Variants in SEMA6D observed in about 807,000 individuals in gnomAD.
SEMA6D encodes semaphorin 6D, also known as semaphorin-6D.
A neutral mutation model predicts 106.6 loss-of-function variants in SEMA6D; 35 were observed. The observed-to-expected ratio is 0.33, with a 90% CI of 0.25 to 0.44. The LOEUF (loss-of-function observed/expected upper bound fraction) is 0.44. Ranked by LOEUF, SEMA6D falls within the 20% of genes least tolerant of loss-of-function variation. The pLI, the probability that SEMA6D is intolerant of heterozygous loss-of-function variation, is 1.00. For missense variants in SEMA6D, 1,185 were observed against 1,345.9 expected, an observed-to-expected ratio of 0.88 and a Z score of 1.87; for synonymous variants, 499 against 487.7, an observed-to-expected ratio of 1.02 and a Z score of -0.31.
In SEMA6D at chr15:47,404,990, G is replaced by A. The variant is rs557626552; in HGVS notation, c.-238-7403G>A. Among the ~76,000 whole-genome samples, 9 of 152,188 alleles carry A rather than the reference G, an allele frequency of 5.9e-5. No individual in the cohort carries two copies. The South Asian group carries it at 1.5e-3, about 25-fold the overall frequency. ...ATGAGAAAGTCTTCACCTCACCGCC[G>A]GTCAAGTGGCAGCTGCTTCTTAAAG... On this transcript the variant is annotated intron_variant, in intron 1 of 19. Coordinates refer to the SEMA6D transcript ENST00000558014.
intron 3 of SEMA6D, among the ~76,000 whole-genome samples, chr15:47,501,415 A>G (rs1176076381): frequency 2.0e-5 from 3 of 152,208 alleles, no homozygotes; most frequent in African/African-American, 7.2e-5. Flanking sequence ...GCCATATAGC[A>G]AAAACCTGCA....
intron 3 of SEMA6D, among the ~76,000 whole-genome samples, chr15:47,522,290 T>C (rs2044611038): frequency 6.6e-6 from 1 of 152,226 alleles, no homozygotes; most frequent in African/African-American, 2.4e-5. Context: ...AACATAAATC[T>C]ATACAAGAAA....
At chr15:47,219,131 A>G (rs1358948585) in intron 1 of SEMA6D, among the ~76,000 whole-genome samples, 1 of 152,070 alleles carries the variant, frequency 6.6e-6, no homozygotes, top group African/African-American at 2.4e-5. Flanking sequence ...TGGTAGAGTA[A>G]TTTTTCAATG....
At chr15:47,531,400 A>T (rs1258024964) in intron 3 of SEMA6D, among the ~76,000 whole-genome samples, 1 of 152,258 alleles carries the variant, frequency 6.6e-6, no homozygotes, top group African/African-American at 2.4e-5. Context: ...GTCTTTCATT[A>T]CATGGCCAAA....
At chr15:47,337,774 T>G (rs1385895896) in intron 1 of SEMA6D, among the ~76,000 whole-genome samples, 1 of 152,176 alleles carries the variant, frequency 6.6e-6, no homozygotes, top group Non-Finnish European at 1.5e-5. Flanking sequence ...AGTGTCCCAC[T>G]AGATTTTTCT....
At chr15:47,431,625 CTGTT>C (rs1478634414) in intron 2 of SEMA6D, among the ~76,000 whole-genome samples, 1 of 152,100 alleles carries the variant, frequency 6.6e-6, no homozygotes, top group Non-Finnish European at 1.5e-5. Context: ...AGCAGGAACA[CTGTT>C]TGGTCATTGG....
chr15:47,733,414 C>G (rs1337808980), intron 1 of SEMA6D, among the ~76,000 whole-genome samples: 1 of 152,162 alleles, frequency 6.6e-6, no homozygotes, highest in Non-Finnish European at 1.5e-5. Flanking sequence ...AAAAATTAAC[C>G]ACCTAGATTT....
intron 3 of SEMA6D, among the ~76,000 whole-genome samples, chr15:47,537,051 T>C (rs2045190422): frequency 1.3e-5 from 2 of 152,222 alleles, no homozygotes; most frequent in African/African-American, 4.8e-5. Flanking sequence ...AGAAGCATCT[T>C]AGAAGAGTAG....
intron 1 of SEMA6D, among the ~76,000 whole-genome samples, chr15:47,221,135 C>G (rs2031163104): frequency 6.6e-6 from 1 of 152,152 alleles, no homozygotes; most frequent in South Asian, 2.1e-4. Flanking sequence ...TGCCCCCTGA[C>G]TTTTTATTGG....
chr15:47,498,192 C>T (rs1208735187), intron 3 of SEMA6D, among the ~76,000 whole-genome samples: 1 of 152,070 alleles, frequency 6.6e-6, no homozygotes, highest in Admixed American at 6.6e-5. Context: ...ATTTCTATAA[C>T]AATAAAATGA....
intron 2 of SEMA6D, among the ~76,000 whole-genome samples, chr15:47,417,413 A>ATGTGTG (rs34541759): frequency 3.4e-4 from 50 of 146,666 alleles, no homozygotes; most frequent in Middle Eastern, 3.5e-3. Flanking sequence ...GTGTGTGTAT[A>ATGTGTG]TGTGTGTGTG....
chr15:47,383,191 TC>T (rs1241181336), intron 1 of SEMA6D, among the ~76,000 whole-genome samples: 1 of 152,202 alleles, frequency 6.6e-6, no homozygotes, highest in Non-Finnish European at 1.5e-5. Flanking sequence ...ATCCTCTATT[TC>T]CAAGGACATA....
chr15:47,470,782 C>T (rs1443125841), intron 3 of SEMA6D, among the ~76,000 whole-genome samples: 1 of 151,946 alleles, frequency 6.6e-6, no homozygotes, highest in Non-Finnish European at 1.5e-5. Flanking sequence ...ATTATCTAAA[C>T]CCTCTTTGCC....
At chr15:47,489,771 C>A (rs1203899160) in intron 3 of SEMA6D, among the ~76,000 whole-genome samples, 2 of 152,174 alleles carry the variant, frequency 1.3e-5, no homozygotes, top group African/African-American at 4.8e-5. Flanking sequence ...CCTGCCTCAG[C>A]CTCCCGAGTA....
intron 1 of SEMA6D, among the ~76,000 whole-genome samples, chr15:47,757,470 A>G (rs1395007598): frequency 2.0e-5 from 3 of 152,184 alleles, no homozygotes; most frequent in African/African-American, 7.2e-5. Flanking sequence ...ATAGTATGGA[A>G]AAGCAAGACA....
chr15:47,348,596 T>G (rs1305295788), intron 1 of SEMA6D, among the ~76,000 whole-genome samples: 2 of 151,486 alleles, frequency 1.3e-5, no homozygotes, highest in Non-Finnish European at 2.9e-5. Context: ...AATTTGAAGG[T>G]GTACAAGAGA....
rs36181544 is a variant in SEMA6D at position 47,422,093 on chromosome 15, A to ATT, written c.-159+9629_-159+9630dup. ...ACAATGTTAAGGGGGTCCATTGTTT[A>ATT]TTTTTTTTTCTTTAGAGGATGAAAA... On this transcript the variant is annotated intron_variant, in intron 2 of 19. Coordinates refer to the SEMA6D transcript ENST00000558014. 7.0e-4 allele frequency among the ~76,000 whole-genome samples: 104 copies of ATT among 149,188 alleles called. 1 individual carries two copies. Among genetic ancestry groups the ATT allele is most frequent in the African/African-American group, 2.3e-3 (95 of 40,488 alleles).
At position 47,227,575 on chromosome 15, in the gene SEMA6D, A is replaced by T. The variant is rs867568056; in HGVS notation, c.-239+43157A>T. On this transcript the variant is annotated intron_variant, in intron 1 of 19. Transcript: ENST00000558014. ...CTCTGTCTCTCTCTCTCTCTCACACACACACACACACACACACACACAAAC... is the reference window on the plus strand; with the variant it reads ...CTCTGTCTCTCTCTCTCTCTCACACTCACACACACACACACACACACAAAC... 5.8e-4 allele frequency among the ~76,000 whole-genome samples: 82 copies of T among 140,454 alleles called. 1 individual carries two copies. Among genetic ancestry groups the T allele is most frequent in the African/African-American group, 1.3e-3 (49 of 38,204 alleles). The allele number at this position is 140,454 out of a possible 152,430, so 92.1% of individuals were successfully genotyped here. A position where few individuals can be genotyped will look rare whatever the true frequency, so the allele number is the denominator to read the frequency against.
At chr15:47,550,851 G>A (rs1330700475) in intron 3 of SEMA6D, among the ~76,000 whole-genome samples, 1 of 152,144 alleles carries the variant, frequency 6.6e-6, no homozygotes, top group African/African-American at 2.4e-5. Context: ...TGTGATTACT[G>A]TCCCAAGCAG....
Sources: allele counts gnomAD v4.1 joint callset (sites outside exome capture counted in the v4.1 genomes callset), GRCh38; gene constraint gnomAD v4.1.1; transcripts MANE v1.5; gene names NCBI Gene and HGNC (gene_info 2026-07-23, HGNC 2026-07-21).